Variants in PAAF1 observed in about 807,000 individuals in gnomAD.
PAAF1 encodes the protein proteasomal ATPase-associated factor 1.
Under a neutral mutation model 52.8 loss-of-function variants are expected in PAAF1, and 46 were observed. The observed-to-expected ratio is 0.87, with a 90% confidence interval of 0.69 to 1.11. The LOEUF is 1.11. PAAF1 is among the 50% of genes most tolerant of loss of function. The probability of loss-of-function intolerance (pLI) is 0.00; values close to 1 mark genes in which losing one functional copy is unlikely to be tolerated. For missense variants in PAAF1, 424 were observed against 477.4 expected (o/e 0.89, Z 1.04); for synonymous variants, 178 against 172.8 (o/e 1.03, Z -0.24).
chr11:73,888,013 G>A (rs1264960059), intron 3 of PAAF1, among the ~76,000 whole-genome samples: 2 of 152,166 alleles, frequency 1.3e-5, no homozygotes, highest in Non-Finnish European at 2.9e-5. Context: ...CTCCCAAAGT[G>A]CTGAGATTAC....
intron 8 of PAAF1, 45 bp from the exon 9 acceptor site, chr11:73,916,484 TGTTTATTCTTGGAAAC>T: frequency 9.0e-7 from 1 of 1,109,126 alleles, no homozygotes. Flanking sequence ...TTTTGGTGCC[TGTTTATTCTTGGAAAC>T]AAATTAATCT....
chr11:73,921,375 A>G (rs1194937160), intron 10 of PAAF1, among the ~76,000 whole-genome samples: 3 of 149,022 alleles, frequency 2.0e-5, no homozygotes, highest in African/African-American at 7.4e-5. Flanking sequence ...GAGCTGACTC[A>G]TGGTTCTACT....
chr11:73,925,781 A>G (rs1405412792), intron 11 of PAAF1, among the ~76,000 whole-genome samples: 1 of 152,112 alleles, frequency 6.6e-6, no homozygotes, highest in African/African-American at 2.4e-5. Context: ...ATTTTTTCCT[A>G]TAATTTAAAA....
In PAAF1 at chr11:73,927,314, A is replaced by G. The variant is rs138539442; in HGVS notation, c.1131A>G (p.Thr377=). ...KVATWEKQIY[T]CCRDGLVRRY... The stretch of plus-strand genomic sequence containing the variant: ...CCACATGGGAGAAGCAGATCTACAC[A>G]TGCTGTCGAGACGGTCTTGTACGAC... Residue 377 remains threonine (T), a synonymous_variant, in exon 12 of 12, where the codon ACA becomes ACG. Coordinates refer to ENST00000310571, the MANE Select transcript of PAAF1 (RefSeq NM_025155.3). 1.9e-6 allele frequency: 3 copies of G among 1,614,170 alleles called. No homozygotes were observed. Among genetic ancestry groups the G allele is most frequent in the East Asian group, 2.2e-5 (1 of 44,890 alleles).
At chr11:73,891,258 AT>A in intron 4 of PAAF1, 57 bp downstream of exon 4, 1 of 1,029,798 alleles carries the variant, frequency 9.7e-7, no homozygotes, top group East Asian at 2.4e-5. Flanking sequence ...TTTTCATTTT[AT>A]TTGCTTGTCT....
intron 7 of PAAF1, among the ~76,000 whole-genome samples, chr11:73,910,181 C>G (rs1949890030): frequency 6.6e-6 from 1 of 152,158 alleles, no homozygotes; most frequent in Non-Finnish European, 1.5e-5. Flanking sequence ...CCACAGCCTC[C>G]CTAATAGCTG....
chr11:73,876,806 T>G (rs960355293), upstream of PAAF1: 4 of 421,934 alleles, frequency 9.5e-6, no homozygotes, highest in Non-Finnish European at 1.2e-5. Context: ...CGCGGCGGCT[T>G]GGGTTTCGCA....
intron 4 of PAAF1, among the ~76,000 whole-genome samples, chr11:73,898,909 C>G (rs1949510870): frequency 6.6e-6 from 1 of 152,126 alleles, no homozygotes; most frequent in African/African-American, 2.4e-5. Context: ...AAGCATTAGA[C>G]TTCAGATGAT....
chr11:73,921,316 C>A (rs1304492716), intron 10 of PAAF1, among the ~76,000 whole-genome samples: 1 of 149,752 alleles, frequency 6.7e-6, no homozygotes, highest in African/African-American at 2.5e-5. Context: ...AAAAAAAAAT[C>A]TCTGTTGCAA....
At chr11:73,897,708 A>G (rs1385295049) in intron 4 of PAAF1, among the ~76,000 whole-genome samples, 1 of 146,732 alleles carries the variant, frequency 6.8e-6, no homozygotes, top group African/African-American at 2.6e-5. Flanking sequence ...CTGGGCAGCC[A>G]GGCAGAGGGG....
intron 10 of PAAF1, among the ~76,000 whole-genome samples, 179 bp downstream of exon 10, chr11:73,919,211 C>A (rs1201158648): frequency 6.6e-6 from 1 of 152,196 alleles, no homozygotes; most frequent in Non-Finnish European, 1.5e-5. Flanking sequence ...CCCTCCAGTT[C>A]AAACTCCTTG....
At position 73,927,579 on chromosome 11, in the gene PAAF1, A is replaced by G; in HGVS notation, c.*217A>G. 1 of 587,194 alleles carries G rather than the reference A, an allele frequency of 1.7e-6. No individual in the cohort carries two copies. Among genetic ancestry groups the G allele is most frequent in the Non-Finnish European group, 3.0e-6 (1 of 329,504 alleles). The allele number at this position is 587,194 out of a possible 1,614,324, so 36.4% of individuals were successfully genotyped here. A position where few individuals can be genotyped will look rare whatever the true frequency, so the allele number is the denominator to read the frequency against. On this transcript the variant is annotated 3_prime_UTR_variant, in exon 12 of 12. Transcript: ENST00000310571. ...TCATTGTGCCCACTGCATTTGTTCC[A>G]ACTTCTCCTTGTATAAACTCACCCC... is the stretch of plus-strand genomic sequence containing the variant.
chr11:73,889,463 T>A (rs1949145678), intron 3 of PAAF1, among the ~76,000 whole-genome samples: 1 of 152,224 alleles, frequency 6.6e-6, no homozygotes, highest in Non-Finnish European at 1.5e-5. Flanking sequence ...TCTCTTGCAG[T>A]TTTTCTTTAA....
chr11:73,925,465 C>CAA (rs369208529), intron 11 of PAAF1, among the ~76,000 whole-genome samples: 330 of 83,524 alleles, frequency 4.0e-3, no homozygotes, highest in African/African-American at 0.012. Context: ...GACCCTGTCT[C>CAA]AAAAAAAAAA....
At chr11:73,921,814 T>C in intron 10 of PAAF1, 1 of 1,147,812 alleles carries the variant, frequency 8.7e-7, no homozygotes, top group Non-Finnish European at 1.3e-6. Context: ...CATCACTTCA[T>C]CTTCCTGTTT....
At chr11:73,877,436 T>C (rs1043610914) in intron 1 of PAAF1, 7 of 173,308 alleles carry the variant, frequency 4.0e-5, no homozygotes, top group South Asian at 3.6e-4. Flanking sequence ...GTGTATGTGA[T>C]GGAACCTTTG....
At chr11:73,901,831 A>G (rs1320309915) in intron 6 of PAAF1, among the ~76,000 whole-genome samples, 1 of 151,344 alleles carries the variant, frequency 6.6e-6, no homozygotes, top group Non-Finnish European at 1.5e-5. Context: ...TCGGCCTCCC[A>G]AAGTGCTGGG....
upstream of PAAF1, chr11:73,876,976 T>A (rs1476834887): frequency 3.3e-6 from 5 of 1,496,912 alleles, no homozygotes; most frequent in East Asian, 1.3e-4. Flanking sequence ...GGGGACTCAC[T>A]TCCGGGAAGG....
intron 4 of PAAF1, among the ~76,000 whole-genome samples, chr11:73,896,252 CTCTT>C (rs1176766056): frequency 1.5e-5 from 2 of 130,898 alleles, no homozygotes; most frequent in African/African-American, 5.7e-5. Flanking sequence ...AATATCTGAA[CTCTT>C]TTTTTTTTTT....
Sources: gnomAD v4.1 joint callset for allele counts (sites outside exome capture counted in the v4.1 genomes callset) on GRCh38, gnomAD v4.1.1 for gene constraint, MANE v1.5 for transcripts, NCBI Gene and HGNC (gene_info 2026-07-23, HGNC 2026-07-21) for gene names.